IL34: variants seen among roughly 807,000 people sequenced by gnomAD.
IL34 encodes the protein interleukin 34.
IL34 carries 17 observed loss-of-function variants against 25.3 expected under a neutral mutation model. The ratio of observed to expected loss-of-function variants is 0.67; its 90% confidence interval spans 0.46 to 1.01. The LOEUF is 1.01. Among genes scored for constraint, IL34 ranks in the 50% least tolerant of loss-of-function variants. The probability of loss-of-function intolerance (pLI) is 0.00; values close to 1 mark genes in which losing one functional copy is unlikely to be tolerated. For synonymous variants in IL34, 174 were observed against 140.9 expected (o/e 1.23, Z -1.66); for missense variants, 368 against 312.9 (o/e 1.18, Z -1.33).
At chr16:70,586,043 AGGATGGTC>A (rs1174218489) in intron 1 of IL34, among the ~76,000 whole-genome samples, 3 of 150,902 alleles carry the variant, frequency 2.0e-5, no homozygotes, top group Admixed American at 6.6e-5. Context: ...CATGTTAGCC[AGGATGGTC>A]TCGATCTCCT....
At chr16:70,633,891 C>T (rs1406913909) in intron 1 of IL34, among the ~76,000 whole-genome samples, 1 of 151,988 alleles carries the variant, frequency 6.6e-6, no homozygotes, top group African/African-American at 2.4e-5. Flanking sequence ...CGCATTGTCG[C>T]CCAGGCTGGA....
At chr16:70,622,319 C>T (rs1274777673) in intron 1 of IL34, among the ~76,000 whole-genome samples, 1 of 151,928 alleles carries the variant, frequency 6.6e-6, no homozygotes, top group Non-Finnish European at 1.5e-5. Flanking sequence ...ATTTGCCAGT[C>T]CTGGGCGGGG....
At chr16:70,598,808 C>T (rs992052774) in intron 1 of IL34, among the ~76,000 whole-genome samples, 3 of 152,116 alleles carry the variant, frequency 2.0e-5, no homozygotes, top group South Asian at 2.1e-4. Context: ...TTACTGAGGA[C>T]GATAGACGGA....
At chr16:70,580,518 G>A (rs537670675) in intron 1 of IL34, among the ~76,000 whole-genome samples, 3 of 152,194 alleles carry the variant, frequency 2.0e-5, no homozygotes, top group African/African-American at 4.8e-5. Flanking sequence ...AGTGGCTCAC[G>A]CCTGTAATCT....
In IL34 at chr16:70,656,336, A is replaced by G. The variant is rs1456298089; in HGVS notation, c.163-266A>G. 4.6e-5 allele frequency among the ~76,000 whole-genome samples: 7 copies of G among 152,206 alleles called. No homozygotes were observed. The South Asian group carries it at 1.5e-3, about 32-fold the overall frequency. ...GGATTCAAGACCAGCCTGGGCAACA[A>G]GAAGAAACCCCATCTCTACAAAAAA... On this transcript the variant is annotated intron_variant, in intron 2 of 5. Coordinates refer to ENST00000288098, the MANE Select transcript of IL34 (RefSeq NM_001393494.1).
rs202122982 is a variant in IL34, at chr16:70,660,098, C to A, written c.640C>A (p.Pro214Thr). Residue 214 changes from proline to threonine, a missense_variant, in exon 6 of 6, where the codon CCT becomes ACT. Coordinates refer to ENST00000288098, the MANE Select transcript of IL34 (RefSeq NM_001393494.1). ...GCAGTATGCGGCCACCCAGCTGTAC[C>A]CTCCGCCCCCGTGGTCCCCCAGCTC... ...SLQYAATQLY[P>T]PPPWSPSSPP... 4 of 1,613,478 alleles carry A rather than the reference C, an allele frequency of 2.5e-6. No individual in the cohort carries two copies. The African/African-American group carries it at 5.3e-5, about 22-fold the overall frequency.
At chr16:70,647,024 A>G (rs369833600) in intron 1 of IL34, 49 bp downstream of exon 1, 19 of 1,418,108 alleles carry the variant, frequency 1.3e-5, no homozygotes, top group Non-Finnish European at 1.6e-5. Flanking sequence ...GCCTTGGCCT[A>G]GATCCAGGAT....
intron 1 of IL34, among the ~76,000 whole-genome samples, chr16:70,616,985 G>A (rs1220371145): frequency 6.6e-6 from 1 of 152,014 alleles, no homozygotes; most frequent in Admixed American, 6.6e-5. Flanking sequence ...AAAATTTTTG[G>A]GGGGTGGTAT....
chr16:70,630,478 A>G (rs1239132136), intron 1 of IL34, among the ~76,000 whole-genome samples: 1 of 151,572 alleles, frequency 6.6e-6, no homozygotes, highest in Non-Finnish European at 1.5e-5. Context: ...GTGATCTGCC[A>G]GCGTCGGCCT....
rs367597411 is a variant in IL34 at position 70,633,857 on chromosome 16, C to CT, written c.-400-12680dup. Among the ~76,000 whole-genome samples, 737 of 146,576 alleles carry CT rather than the reference C, an allele frequency of 5.0e-3. 4 individuals carry two copies. The highest frequency in any genetic ancestry group is 0.014 in the African/African-American group (567 of 40,254). On this transcript the variant is annotated intron_variant, in intron 1 of 6. Transcript: ENST00000429149. ...CGTGGTCTTCTCCCTGAGTCTCTCT[C>CT]TTTTTTTTTTTGAGACAGAGTCTCG...
intron 1 of IL34, among the ~76,000 whole-genome samples, chr16:70,631,611 C>T (rs759623221): frequency 6.6e-6 from 1 of 152,202 alleles, no homozygotes; most frequent in African/African-American, 2.4e-5. Context: ...AAACTTGGGA[C>T]TCACTTCCCT....
At chr16:70,595,778 G>A (rs1240460281) in intron 1 of IL34, among the ~76,000 whole-genome samples, 3 of 152,088 alleles carry the variant, frequency 2.0e-5, no homozygotes, top group East Asian at 1.9e-4. Context: ...TTGGGAGGCC[G>A]AGACAGATGG....
chr16:70,594,172 T>C (rs2050788833), intron 1 of IL34, among the ~76,000 whole-genome samples: 1 of 152,166 alleles, frequency 6.6e-6, no homozygotes. Context: ...CTTTCTGGGA[T>C]TTTTATTGTG....
intron 1 of IL34, among the ~76,000 whole-genome samples, chr16:70,605,316 T>C (rs1235876921): frequency 2.0e-5 from 3 of 152,242 alleles, no homozygotes; most frequent in Non-Finnish European, 2.9e-5. Flanking sequence ...TGTCCACTTC[T>C]ATGTGATTCA....
At chr16:70,595,858 A>G (rs2050814697) in intron 1 of IL34, among the ~76,000 whole-genome samples, 1 of 151,956 alleles carries the variant, frequency 6.6e-6, no homozygotes, top group South Asian at 2.1e-4. Context: ...CTAAAAATAA[A>G]AAATTAGCTG....
intron 1 of IL34, among the ~76,000 whole-genome samples, chr16:70,589,747 C>G (rs1480985890): frequency 6.6e-6 from 1 of 151,848 alleles, no homozygotes; most frequent in East Asian, 1.9e-4. Flanking sequence ...CTCAGCCTCC[C>G]AAGTAGCTGG....
Position 70,639,037 on chromosome 16 carries a change from T to C in IL34, c.-400-7511T>C, listed in dbSNP as rs542669286. Among the ~76,000 whole-genome samples, 42 of 152,356 alleles carry C rather than the reference T, an allele frequency of 2.8e-4. No individual in the cohort carries two copies. In the South Asian group the frequency reaches 8.5e-3, roughly 31 times the overall value. ...TGCTGACTAAGGCGTTGCCCTGTTT[T>C]GGTGATTCTGTGGCTTGTAAAGCTG... is the stretch of plus-strand genomic sequence containing the variant. On this transcript the variant is annotated intron_variant, in intron 1 of 6. Transcript: ENST00000429149.
At chr16:70,643,589 G>C (rs1305426253), upstream of IL34, among the ~76,000 whole-genome samples, 1 of 152,182 alleles carries the variant, frequency 6.6e-6, no homozygotes, top group African/African-American at 2.4e-5. Context: ...TGCCCGGGCT[G>C]GTCTCAAAGC....
chr16:70,605,979 T>G (rs976291768), intron 1 of IL34, among the ~76,000 whole-genome samples: 1 of 151,202 alleles, frequency 6.6e-6, no homozygotes, highest in Non-Finnish European at 1.5e-5. Context: ...GTTTTTTTTT[T>G]TTTTTTTTTT....
Sources: gnomAD v4.1 joint callset for allele counts (sites outside exome capture counted in the v4.1 genomes callset) on GRCh38, gnomAD v4.1.1 for gene constraint, MANE v1.5 for transcripts, NCBI Gene and HGNC (gene_info 2026-07-23, HGNC 2026-07-21) for gene names.